Variants in PCNX1 observed in about 807,000 individuals in gnomAD.
PCNX1 encodes the protein pecanex-like protein 1.
Under a neutral mutation model 242.2 loss-of-function variants are expected in PCNX1, and 78 were observed. The observed-to-expected ratio is 0.32, with a 90% CI of 0.27 to 0.39. PCNX1 has a LOEUF of 0.39. PCNX1 is among the 10% of genes least tolerant of loss of function. The pLI is 1.00. For missense variants in PCNX1, 2,581 were observed against 2,856.5 expected, an observed-to-expected ratio of 0.90 and a Z score of 2.20; for synonymous variants, 1,024 against 1,032.9, an observed-to-expected ratio of 0.99 and a Z score of 0.17.
intron 28 of PCNX1, among the ~76,000 whole-genome samples, chr14:71,082,655 G>A (rs922928735): frequency 6.6e-6 from 1 of 152,054 alleles, no homozygotes; most frequent in Non-Finnish European, 1.5e-5. Flanking sequence ...TTTTATCAGA[G>A]ACTAGGATTG....
At chr14:70,944,475 C>T (rs998885748) in intron 1 of PCNX1, among the ~76,000 whole-genome samples, 2 of 152,210 alleles carry the variant, frequency 1.3e-5, no homozygotes, top group African/African-American at 4.8e-5. Context: ...TTGCCTGTAT[C>T]CCCATTGTAC....
chr14:70,953,309 G>T (rs919930485), intron 2 of PCNX1, among the ~76,000 whole-genome samples: 12 of 151,866 alleles, frequency 7.9e-5, no homozygotes, highest in African/African-American at 2.9e-4. Flanking sequence ...AAATGTAAAA[G>T]GTGTCTCATT....
chr14:70,953,667 T>TC (rs1371934130), intron 2 of PCNX1, among the ~76,000 whole-genome samples: 1 of 29,362 alleles, frequency 3.4e-5, no homozygotes, highest in African/African-American at 9.7e-5. Context: ...TTTCTTTCTT[T>TC]TTTTTTTTTT....
chr14:70,984,810 C>T (rs1451740559), intron 6 of PCNX1, among the ~76,000 whole-genome samples: 1 of 152,224 alleles, frequency 6.6e-6, no homozygotes. Flanking sequence ...GGCATCCCAG[C>T]TATTCTAAAA....
chr14:70,985,347 C>T (rs1382402303), intron 6 of PCNX1, among the ~76,000 whole-genome samples: 2 of 151,922 alleles, frequency 1.3e-5, no homozygotes, highest in Admixed American at 6.6e-5. Flanking sequence ...CCCGAGTAGC[C>T]GAGATTACAG....
intron 18 of PCNX1, among the ~76,000 whole-genome samples, chr14:71,035,630 G>C (rs1016449752): frequency 8.0e-5 from 12 of 149,878 alleles, no homozygotes; most frequent in Non-Finnish European, 3.0e-5. Context: ...GTATGGTGGG[G>C]TGTGGTGGCT....
chr14:70,968,901 C>G (rs1314229176), intron 4 of PCNX1, 120 bp from the exon 5 acceptor site: 1 of 635,226 alleles, frequency 1.6e-6, no homozygotes, highest in African/African-American at 1.8e-5. Flanking sequence ...CTTTGATACA[C>G]AAAAACTACT....
rs887770945 is a variant in PCNX1, at chr14:71,112,818, A to G, written c.*2883A>G. On this transcript the variant is annotated 3_prime_UTR_variant, in exon 36 of 36. Transcript: ENST00000304743. ...ATTCATTTCCTTTTGGTGGAGTTGT[A>G]TGATTGAAAACTTTGCTTTTTCTTG... 2 of 152,288 alleles carry G rather than the reference A, an allele frequency of 1.3e-5. No homozygotes were observed. Among genetic ancestry groups the G allele is most frequent in the Admixed American group, 1.3e-4 (2 of 15,304 alleles). The allele number at this position is 152,288 out of a possible 1,614,324, so 9.4% of individuals were successfully genotyped here. A position where few individuals can be genotyped will look rare whatever the true frequency, so the allele number is the denominator to read the frequency against.
At chr14:70,908,901 C>T (rs1477974419) in intron 1 of PCNX1, among the ~76,000 whole-genome samples, 1 of 152,160 alleles carries the variant, frequency 6.6e-6, no homozygotes, top group Non-Finnish European at 1.5e-5. Context: ...GTTTCTAAAG[C>T]ACAGGTTAGG....
chr14:71,106,547 GTT>G (rs375480782), intron 33 of PCNX1, among the ~76,000 whole-genome samples: 7 of 140,546 alleles, frequency 5.0e-5, no homozygotes, highest in Non-Finnish European at 7.8e-5. Flanking sequence ...TTCCAGAAAG[GTT>G]TTTTTTTTTT....
chr14:70,934,717 T>C (rs1368538511), intron 1 of PCNX1, among the ~76,000 whole-genome samples: 1 of 152,166 alleles, frequency 6.6e-6, no homozygotes, highest in Non-Finnish European at 1.5e-5. Context: ...AAATAAAACA[T>C]TAAAGTAGTC....
chr14:70,936,902 A>G (rs1185028935), intron 1 of PCNX1, among the ~76,000 whole-genome samples: 1 of 151,972 alleles, frequency 6.6e-6, no homozygotes, highest in Non-Finnish European at 1.5e-5. Context: ...GCATTTTTTT[A>G]TGTGTCTGTT....
At chr14:71,039,235 T>C (rs916136425) in intron 19 of PCNX1, among the ~76,000 whole-genome samples, 9 of 151,552 alleles carry the variant, frequency 5.9e-5, no homozygotes, top group Non-Finnish European at 1.0e-4. Flanking sequence ...AAAAAAAAAA[T>C]TAAAAAAACA....
In PCNX1 at chr14:71,098,553, T is replaced by TGTGTGTGAGA. The variant is rs60367565; in HGVS notation, c.5590-3436_5590-3435insTGTGTGAGAG. On this transcript the variant is annotated intron_variant, in intron 30 of 35. Coordinates refer to ENST00000304743, the MANE Select transcript of PCNX1 (RefSeq NM_014982.3). The stretch of plus-strand genomic sequence containing the variant: ...GTGTGTGTGTGTGTGTGTGTGTGTG[T>TGTGTGTGAGA]GAGAGAGAGAGAGAGAACATTGTAG... 2.0e-3 allele frequency among the ~76,000 whole-genome samples: 254 copies of TGTGTGTGAGA among 125,700 alleles called. 1 individual carries two copies. The highest frequency in any genetic ancestry group is 2.1e-3 in the Non-Finnish European group (127 of 60,592). 82.5% of individuals were successfully genotyped at this position (125,700 alleles called of 152,430 possible). A position where few individuals can be genotyped will look rare whatever the true frequency, so the allele number is the denominator to read the frequency against.
At chr14:70,964,037 T>C (rs2058303060) in intron 3 of PCNX1, among the ~76,000 whole-genome samples, 1 of 152,164 alleles carries the variant, frequency 6.6e-6, no homozygotes, top group East Asian at 1.9e-4. Flanking sequence ...GTTTAAAGAA[T>C]GTGAAAAGAG....
At chr14:71,086,894 C>G (rs371859907) in intron 28 of PCNX1, among the ~76,000 whole-genome samples, 1 of 152,120 alleles carries the variant, frequency 6.6e-6, no homozygotes, top group Admixed American at 6.5e-5. Flanking sequence ...TGTCTAAAAA[C>G]TGTTGTGTCA....
chr14:71,005,711 T>G (rs1032440514), intron 8 of PCNX1, among the ~76,000 whole-genome samples: 7 of 152,234 alleles, frequency 4.6e-5, no homozygotes, highest in African/African-American at 1.7e-4. Flanking sequence ...CATTCATGGC[T>G]CTAGGCAAAT....
chr14:71,074,545 C>T lies in PCNX1; in HGVS notation c.5106+747C>T, dbSNP rs75464797. Reference sequence around the variant, plus strand: ...GTTGTCCTCTCACAGTAGAGTTGTGCAGATGCCTGTTTTTCCCAGCAGTGA... The same window carrying T: ...GTTGTCCTCTCACAGTAGAGTTGTGTAGATGCCTGTTTTTCCCAGCAGTGA... On this transcript the variant is annotated intron_variant, in intron 27 of 35. Transcript: ENST00000304743. 8.9e-3 allele frequency among the ~76,000 whole-genome samples: 1,362 copies of T among 152,314 alleles called. 10 individuals are homozygous for T. The highest frequency in any genetic ancestry group is 0.012 in the Non-Finnish European group (843 of 68,018).
Position 71,114,487 on chromosome 14 carries a change from A to ACAATTTAT in PCNX1, c.*4554_*4561dup, listed in dbSNP as rs1405294341. The ACAATTTAT allele has an allele frequency of 6.6e-6, 1 of 152,532 alleles. No individual in the cohort carries two copies. The highest frequency in any genetic ancestry group is 1.5e-5 in the Non-Finnish European group (1 of 68,038). The allele number at this position is 152,532 out of a possible 1,614,324, so 9.4% of individuals were successfully genotyped here. On this transcript the variant is annotated 3_prime_UTR_variant, in exon 36 of 36. Coordinates refer to ENST00000304743, the MANE Select transcript of PCNX1 (RefSeq NM_014982.3). ...AGTCATCTGTCAAGAATTATGTATA[A>ACAATTTAT]CAATTTATCTTTATTGCCTACATAC...
Sources: allele counts gnomAD v4.1 joint callset (sites outside exome capture counted in the v4.1 genomes callset), GRCh38; gene constraint gnomAD v4.1.1; transcripts MANE v1.5; gene names NCBI Gene and HGNC (gene_info 2026-07-23, HGNC 2026-07-21).